Variants in PCDH15 observed in about 807,000 individuals in gnomAD.
PCDH15 encodes the protein protocadherin related 15.
A neutral mutation model predicts 178.5 loss-of-function variants in PCDH15; 129 were observed. The observed-to-expected ratio is 0.72, with a 90% CI of 0.63 to 0.84. The LOEUF (loss-of-function observed/expected upper bound fraction) is 0.84, where lower values mean the gene tolerates loss of function less well. PCDH15 is among the 40% of genes least tolerant of loss of function. The pLI is 0.00. For synonymous variants in PCDH15, 800 were observed against 732.0 expected (o/e 1.09, Z -1.50); for missense variants, 2,230 against 2,099.9 (o/e 1.06, Z -1.21).
rs1352731238 is a variant in PCDH15, at chr10:54,675,696, G to A, written c.-28-11406C>T. On this transcript the variant is annotated intron_variant, in intron 1 of 37. Coordinates refer to ENST00000644397, the MANE Select transcript of PCDH15 (RefSeq NM_001384140.1). Reference sequence around the variant, plus strand: ...CCTTAGCCTTTCCTTTGTATTCAGCGAACACATCTCAGTTTATAATTACAT... The same window carrying A: ...CCTTAGCCTTTCCTTTGTATTCAGCAAACACATCTCAGTTTATAATTACAT... Among the ~76,000 whole-genome samples the A allele has an allele frequency of 3.3e-5, 5 of 152,020 alleles. No homozygotes were observed. The Middle Eastern group carries it at 0.014, about 414-fold the overall frequency.
chr10:54,167,212 C>T (rs897906373), intron 13 of PCDH15, among the ~76,000 whole-genome samples: 1 of 152,114 alleles, frequency 6.6e-6, no homozygotes, highest in African/African-American at 2.4e-5. Context: ...GAGAAAGATC[C>T]ACCTATGACC....
At chr10:54,801,863 T>C (rs1296349915), upstream of PCDH15, among the ~76,000 whole-genome samples, 1 of 152,210 alleles carries the variant, frequency 6.6e-6, no homozygotes, top group Non-Finnish European at 1.5e-5. Flanking sequence ...AACATTGTAA[T>C]ATATGAAATC....
chr10:54,792,316 G>A (rs1188945120), intron 1 of PCDH15, among the ~76,000 whole-genome samples: 1 of 151,900 alleles, frequency 6.6e-6, no homozygotes, highest in Non-Finnish European at 1.5e-5. Context: ...GTAGGGAGCA[G>A]ATTTTTCACA....
intron 8 of PCDH15, among the ~76,000 whole-genome samples, chr10:54,309,608 A>G (rs1284365079): frequency 6.6e-6 from 1 of 152,032 alleles, no homozygotes; most frequent in Non-Finnish European, 1.5e-5. Context: ...AGCCTGACCA[A>G]CATGGTGAAA....
chr10:55,162,683 G>C (rs1413987792), intron 2 of PCDH15, among the ~76,000 whole-genome samples: 2 of 152,148 alleles, frequency 1.3e-5, no homozygotes, highest in Admixed American at 6.6e-5. Context: ...AGAAGCGCCT[G>C]AATATTGCTA....
At chr10:55,452,227 C>T (rs1839451158) in intron 2 of PCDH15, among the ~76,000 whole-genome samples, 1 of 76,722 alleles carries the variant, frequency 1.3e-5, no homozygotes, top group African/African-American at 9.2e-5. Context: ...TTATGAGTGC[C>T]TCTTAAAACC....
intron 3 of PCDH15, among the ~76,000 whole-genome samples, chr10:54,867,817 C>T (rs10825412): frequency 0.61 from 91,976 of 151,884 alleles, 28,254 homozygotes; most frequent in Non-Finnish European, 0.66. Context: ...TAGTCCAATA[C>T]TTTGTCCTCT....
At chr10:55,077,437 T>TCCTTCCTTC in intron 2 of PCDH15, among the ~76,000 whole-genome samples, 1 of 146,948 alleles carries the variant, frequency 6.8e-6, no homozygotes, top group South Asian at 2.2e-4. Context: ...CTTCCTTCCT[T>TCCTTCCTTC]TCTTCCTTCC....
intron 23 of PCDH15, among the ~76,000 whole-genome samples, chr10:53,951,332 A>G (rs1214981035): frequency 2.1e-5 from 3 of 145,402 alleles, no homozygotes; most frequent in Non-Finnish European, 3.0e-5. Context: ...CCCCCACCAA[A>G]AAATGAAGCT....
At chr10:54,484,854 T>C (rs1293245673) in intron 3 of PCDH15, among the ~76,000 whole-genome samples, 1 of 151,862 alleles carries the variant, frequency 6.6e-6, no homozygotes, top group Non-Finnish European at 1.5e-5. Context: ...ATAATGAACA[T>C]GTGTATAGAG....
chr10:54,362,300 T>C (rs541521497), intron 5 of PCDH15, among the ~76,000 whole-genome samples: 1 of 152,164 alleles, frequency 6.6e-6, no homozygotes, highest in Admixed American at 6.6e-5. Flanking sequence ...AGTATGAAAT[T>C]AGTTCCTAAT....
intron 2 of PCDH15, among the ~76,000 whole-genome samples, chr10:54,643,458 A>G (rs1367911255): frequency 6.6e-6 from 1 of 152,170 alleles, no homozygotes; most frequent in African/African-American, 2.4e-5. Flanking sequence ...TAATTTGCTA[A>G]TACATTCAAA....
At chr10:54,494,510 C>T (rs1463562100) in intron 3 of PCDH15, among the ~76,000 whole-genome samples, 1 of 152,104 alleles carries the variant, frequency 6.6e-6, no homozygotes, top group East Asian at 1.9e-4. Flanking sequence ...TAAACTTTGA[C>T]CCATCTTCAG....
chr10:55,328,947 T>TATATATATAG (rs1406319803), intron 2 of PCDH15, among the ~76,000 whole-genome samples: 10 of 126,550 alleles, frequency 7.9e-5, no homozygotes, highest in African/African-American at 2.8e-4. Context: ...TATATATATA[T>TATATATATAG]ATAAAATATA....
chr10:53,897,496 GC>G (rs2082029432), intron 26 of PCDH15, among the ~76,000 whole-genome samples: 3 of 151,988 alleles, frequency 2.0e-5, no homozygotes, highest in African/African-American at 7.3e-5. Flanking sequence ...TAAAAGTGAT[GC>G]CCTCTCTCCT....
intron 2 of PCDH15, among the ~76,000 whole-genome samples, chr10:55,094,023 C>A (rs1230488100): frequency 6.6e-6 from 1 of 152,028 alleles, no homozygotes; most frequent in East Asian, 1.9e-4. Flanking sequence ...ACCATTTGAC[C>A]CAGGGAACCC....
At chr10:55,334,240 A>ATGTG (rs1174973055) in intron 2 of PCDH15, among the ~76,000 whole-genome samples, 172 of 88,586 alleles carry the variant, frequency 1.9e-3, no homozygotes, top group Middle Eastern at 5.8e-3. Flanking sequence ...ATATATATAT[A>ATGTG]TATGTGTGTG....
chr10:54,779,234 A>G (rs1950018676), intron 1 of PCDH15, among the ~76,000 whole-genome samples: 1 of 151,542 alleles, frequency 6.6e-6, no homozygotes, highest in Admixed American at 6.6e-5. Flanking sequence ...AAAATCCACT[A>G]CAATGAAGTA....
chr10:54,048,556 T>C (rs1417140585), intron 18 of PCDH15, among the ~76,000 whole-genome samples: 1 of 152,168 alleles, frequency 6.6e-6, no homozygotes, highest in African/African-American at 2.4e-5. Flanking sequence ...GATTAGTGCA[T>C]CTTGACATAC....
Sources: allele counts gnomAD v4.1 joint callset (sites outside exome capture counted in the v4.1 genomes callset), GRCh38; gene constraint gnomAD v4.1.1; transcripts MANE v1.5; gene names NCBI Gene and HGNC (gene_info 2026-07-23, HGNC 2026-07-21).